The following NKTR variants were observed in gnomAD, a reference collection of about 807,000 sequenced individuals.
The protein encoded by NKTR is NK-tumor recognition protein.
In NKTR, 67 loss-of-function variants were observed where a neutral mutation model predicts 156.3. The observed-to-expected ratio is 0.43, with a 90% CI of 0.35 to 0.53. NKTR has a LOEUF of 0.53. Ranked by LOEUF, NKTR falls within the 20% of genes least tolerant of loss-of-function variation. The pLI, the probability that NKTR is intolerant of heterozygous loss-of-function variation, is 0.01. For synonymous variants in NKTR, 640 were observed against 596.6 expected, an observed-to-expected ratio of 1.07 and a Z score of -1.06; for missense variants, 1,604 against 1,730.9, an observed-to-expected ratio of 0.93 and a Z score of 1.30.
rs1172112323 is a variant in NKTR, at chr3:42,637,289, T to C, written c.1585T>C (p.Ser529Pro). The C allele has an allele frequency of 1.2e-6, 2 of 1,613,998 alleles. No individual in the cohort carries two copies. Among genetic ancestry groups the C allele is most frequent in the Admixed American group, 1.7e-5 (1 of 59,978 alleles). Residue 529 changes from serine (S) to proline (P), a missense_variant, in exon 13 of 17, where the codon TCT becomes CCT. Ser to Pro is a moderately conservative substitution (Grantham distance 74). Transcript: ENST00000232978. ...YRSKSHSQSY[S>P]RGSSRSRTAS... The stretch of plus-strand genomic sequence containing the variant: ...ATCAAAATCTCACTCACAGTCTTAT[T>C]CTAGAGGAAGCTCAAGATCAAGGAC...
chr3:42,637,360 A>T lies in NKTR; in HGVS notation c.1656A>T (p.Arg552Ser), dbSNP rs755404952. 1 of 1,614,194 alleles carries T rather than the reference A, an allele frequency of 6.2e-7. No homozygotes were observed. The highest frequency in any genetic ancestry group is 1.1e-5 in the South Asian group (1 of 91,080). ...SSHSRSRSKS[R>S]SSSKSGHRKR... ...ATTCTCGAAGTAGATCAAAGTCCAG[A>T]TCTAGTTCCAAGTCTGGGCACCGAA... Residue 552 changes from arginine (R) to serine (S), a missense_variant, in exon 13 of 17, where the codon AGA (arginine) becomes AGT (serine). Coordinates refer to ENST00000232978, the MANE Select transcript of NKTR (RefSeq NM_005385.4).
At chr3:42,608,509 C>T (rs1706459848) in intron 2 of NKTR, among the ~76,000 whole-genome samples, 1 of 152,164 alleles carries the variant, frequency 6.6e-6, no homozygotes, top group Non-Finnish European at 1.5e-5. Context: ...ATGTCGCCCT[C>T]CCTCATTGTG....
rs529316122 is a variant in NKTR at position 42,637,329 on chromosome 3, C to T, written c.1625C>T (p.Ser542Leu). The T allele has an allele frequency of 4.3e-6, 7 of 1,614,162 alleles. No individual in the cohort carries two copies. The highest frequency in any genetic ancestry group is 4.0e-5 in the African/African-American group (3 of 75,058). ...SSRSRTASKSSSHSRSRSKSR... is the reference protein window; with the variant it reads ...SSRSRTASKSLSHSRSRSKSR... ...AGATCAAGGACTGCGTCAAAGTCCTCATCACATTCTCGAAGTAGATCAAAG... is the reference window on the plus strand; with the variant it reads ...AGATCAAGGACTGCGTCAAAGTCCTTATCACATTCTCGAAGTAGATCAAAG... The change falls in exon 13 of 17, where the codon TCA becomes TTA. Residue 542 changes from serine to leucine, a missense_variant. By Grantham distance (145) the Ser-to-Leu change is moderately radical. Around this residue, in one of 6 missense-constraint regions of NKTR, gnomAD observed 1,255 missense variants for 1,243.7 expected, o/e 1.01. Transcript: ENST00000232978.
At position 42,638,717 on chromosome 3, in the gene NKTR, C is replaced by T. The variant is rs1175338986; in HGVS notation, c.3013C>T (p.His1005Tyr). Residue 1005 changes from histidine to tyrosine, a missense_variant, in exon 13 of 17, where the codon CAT (histidine) becomes TAT (tyrosine). His to Tyr is a moderately conservative substitution (Grantham distance 83). Transcript: ENST00000232978. ...ATTGAAAGGGAAAAAAGACAAAAAG[C>T]ATAAGGCTCCAAAACGAAAGCAAGC... ...EKLKGKKDKK[H>Y]KAPKRKQAFH... 1.9e-6 allele frequency: 3 copies of T among 1,613,868 alleles called. No individual in the cohort carries two copies. In the South Asian group the frequency reaches 3.3e-5, roughly 18 times the overall value.
intron 2 of NKTR, among the ~76,000 whole-genome samples, chr3:42,610,246 C>T (rs998674972): frequency 3.3e-5 from 5 of 152,080 alleles, no homozygotes; most frequent in African/African-American, 9.6e-5. Context: ...TCAGGTGATC[C>T]GCGCCCCCCA....
Position 42,619,015 on chromosome 3 carries a change from TCCA to T in NKTR, c.134-4_134-2del. On this transcript the variant is annotated splice_acceptor_variant and splice_polypyrimidine_tract_variant and intron_variant, in intron 3 of 16. Transcript: ENST00000232978. LOFTEE classifies it high-confidence loss of function. ...TTCATTTCTTTTTTTTTTTTTTTTTTCCAGGAGAGAAAGGCCTTGGGAAAACAA... is the reference window on the plus strand; with the variant it reads ...TTCATTTCTTTTTTTTTTTTTTTTTTGGAGAGAAAGGCCTTGGGAAAACAA... 1 of 1,540,240 alleles carries T rather than the reference TCCA, an allele frequency of 6.5e-7. No individual in the cohort carries two copies.
intron 2 of NKTR, among the ~76,000 whole-genome samples, chr3:42,609,810 G>T (rs1706591331): frequency 6.6e-6 from 1 of 151,990 alleles, no homozygotes; most frequent in African/African-American, 2.4e-5. Context: ...TTGAGAATGT[G>T]ATTTTTACTG....
chr3:42,623,034 T>C (rs906620806), intron 6 of NKTR, among the ~76,000 whole-genome samples: 1 of 152,038 alleles, frequency 6.6e-6, no homozygotes, highest in African/African-American at 2.4e-5. Context: ...TTAAAACTCA[T>C]TAAAAATGCT....
intron 10 of NKTR, 116 bp downstream of exon 10, chr3:42,633,851 A>G: frequency 2.7e-6 from 3 of 1,122,726 alleles, no homozygotes; most frequent in Non-Finnish European, 3.9e-6. Flanking sequence ...ACATTGAAAG[A>G]TAGTATGGGA....
At chr3:42,629,671 A>C in intron 6 of NKTR, 1 of 977,844 alleles carries the variant, frequency 1.0e-6, no homozygotes, top group Non-Finnish European at 1.2e-6. Flanking sequence ...AGATGCTTGT[A>C]GTATATAATT....
At chr3:42,626,756 G>A (rs1304988330) in intron 6 of NKTR, among the ~76,000 whole-genome samples, 1 of 152,052 alleles carries the variant, frequency 6.6e-6, no homozygotes, top group Admixed American at 6.6e-5. Context: ...TTTTATTTTG[G>A]ATGATCTTAA....
At chr3:42,603,470 A>T (rs1475233318) in intron 2 of NKTR, among the ~76,000 whole-genome samples, 1 of 152,104 alleles carries the variant, frequency 6.6e-6, no homozygotes, top group African/African-American at 2.4e-5. Context: ...TTTGCACATA[A>T]CCTGTGTTGT....
At position 42,635,329 on chromosome 3, in the gene NKTR, A is replaced by G; in HGVS notation, c.1126A>G (p.Arg376Gly). Residue 376 changes from arginine (R) to glycine (G), a missense_variant, in exon 12 of 17, where the codon AGA (arginine) becomes GGA (glycine). Transcript: ENST00000232978. ...GGAAATGCAGAGATTAAGAGCATATAGACCACCTAGTGGAGAAAAATGGAG... is the reference window on the plus strand; with the variant it reads ...GGAAATGCAGAGATTAAGAGCATATGGACCACCTAGTGGAGAAAAATGGAG... ...KEEMQRLRAY[R>G]PPSGEKWSKG... 3 of 1,613,196 alleles carry G rather than the reference A, an allele frequency of 1.9e-6. No individual in the cohort carries two copies. Among genetic ancestry groups the G allele is most frequent in the Non-Finnish European group, 2.5e-6 (3 of 1,179,510 alleles).
chr3:42,601,281 C>A, intron 2 of NKTR: 2 of 411,068 alleles, frequency 4.9e-6, no homozygotes, highest in Non-Finnish European at 8.8e-6. Context: ...ACCCCACACA[C>A]CCCGCTGCAT....
chr3:42,616,568 A>G (rs1049682865), intron 2 of NKTR, among the ~76,000 whole-genome samples: 8 of 152,196 alleles, frequency 5.3e-5, no homozygotes, highest in African/African-American at 1.9e-4. Flanking sequence ...GTATATAGCA[A>G]TAGATATGAA....
intron 2 of NKTR, among the ~76,000 whole-genome samples, chr3:42,615,806 A>G (rs780027444): frequency 6.6e-6 from 1 of 152,184 alleles, no homozygotes; most frequent in Non-Finnish European, 1.5e-5. Flanking sequence ...TACATTTATT[A>G]TACTGGTAAA....
intron 2 of NKTR, among the ~76,000 whole-genome samples, chr3:42,606,413 A>T (rs987957974): frequency 1.3e-5 from 2 of 152,056 alleles, no homozygotes; most frequent in African/African-American, 4.8e-5. Flanking sequence ...TAAGTATTGC[A>T]TGTGCAGGAG....
chr3:42,617,765 A>C (rs562394914), intron 3 of NKTR, 121 bp downstream of exon 3: 2 of 579,174 alleles, frequency 3.5e-6, no homozygotes, highest in East Asian at 5.8e-5. Flanking sequence ...ATTAAAAAAA[A>C]AAAAGAGTTA....
chr3:42,638,074 C>G lies in NKTR; in HGVS notation c.2370C>G (p.Asp790Glu). Residue 790 changes from aspartate to glutamate, a missense_variant, in exon 13 of 17, where the codon GAC becomes GAG. Asp to Glu is a conservative substitution (Grantham distance 45). This residue lies in a region of NKTR where 1,255 missense variants were observed against 1,243.7 expected (regional missense o/e 1.01). Transcript: ENST00000232978. ...ACAGTAAATATGTCAAAGGTAGAGA[C>G]AGGTCTTCATGTGTGAGAAAGTATA... ...TLHSKYVKGR[D>E]RSSCVRKYSE... The G allele has an allele frequency of 1.2e-6, 2 of 1,614,088 alleles. No homozygotes were observed. Among genetic ancestry groups the G allele is most frequent in the Non-Finnish European group, 1.7e-6 (2 of 1,179,994 alleles).
Sources: allele counts gnomAD v4.1 joint callset (sites outside exome capture counted in the v4.1 genomes callset), GRCh38; gene constraint gnomAD v4.1.1; regional missense constraint gnomAD v4.1.1; transcripts MANE v1.5; gene names NCBI Gene and HGNC (gene_info 2026-07-23, HGNC 2026-07-21).